Variants in RB1 observed in about 807,000 individuals in gnomAD.
RB1 encodes the protein RB transcriptional corepressor 1, also known as retinoblastoma-associated protein.
In RB1, 18 loss-of-function variants were observed where a neutral mutation model predicts 135.4. The ratio of observed to expected loss-of-function variants is 0.13; its 90% CI spans 0.09 to 0.20. RB1 has a LOEUF of 0.20. Ranked by LOEUF, RB1 falls within the 10% of genes least tolerant of loss-of-function variation. RB1 has a pLI of 1.00. For synonymous variants in RB1, 365 were observed against 373.2 expected (o/e 0.98, Z 0.25); for missense variants, 868 against 1,110.0 (o/e 0.78, Z 3.10).
At chr13:48,367,169 G>A (rs1441985560) in intron 9 of RB1, among the ~76,000 whole-genome samples, 1 of 149,478 alleles carries the variant, frequency 6.7e-6, no homozygotes, top group Non-Finnish European at 1.5e-5. Flanking sequence ...TGGGATGTTT[G>A]GAAAATCTTG....
At chr13:48,399,100 A>T (rs1020643778) in intron 17 of RB1, among the ~76,000 whole-genome samples, 1 of 152,100 alleles carries the variant, frequency 6.6e-6, no homozygotes, top group Non-Finnish European at 1.5e-5. Flanking sequence ...TGTTTTCAGA[A>T]TCCACAATAA....
chr13:48,432,605 A>C (rs925712736), intron 17 of RB1, among the ~76,000 whole-genome samples: 1 of 152,052 alleles, frequency 6.6e-6, no homozygotes, highest in African/African-American at 2.4e-5. Flanking sequence ...TGCTTTGGTT[A>C]GCATCCTGTT....
intron 1 of RB1, 85 bp from the exon 2 acceptor site, chr13:48,307,195 A>G (rs1952087863): frequency 1.8e-6 from 2 of 1,094,420 alleles, no homozygotes; most frequent in Non-Finnish European, 2.8e-6. Flanking sequence ...CAGTAGTGTT[A>G]TGTGCAAACT....
intron 17 of RB1, among the ~76,000 whole-genome samples, chr13:48,433,801 C>T (rs1410836247): frequency 6.6e-6 from 1 of 151,658 alleles, no homozygotes; most frequent in East Asian, 1.9e-4. Context: ...TTATTCCATT[C>T]ATCATCTTTG....
At chr13:48,320,534 A>G (rs762595655) in intron 2 of RB1, 1 of 534,950 alleles carries the variant, frequency 1.9e-6, no homozygotes, top group Non-Finnish European at 3.4e-6. Flanking sequence ...CCAGCTTCAT[A>G]TACTCAAAAG....
Position 48,307,343 on chromosome 13 carries a change from A to G in RB1, c.201A>G (p.Pro67=). The stretch of plus-strand genomic sequence containing the variant: ...CATTATGTCAGAAATTAAAGATACC[A>G]GATCATGTCAGAGAGAGAGCTTGGT... ...FTALCQKLKI[P]DHVRERAWLT... is the part of the protein sequence containing the mutation. The change falls in exon 2 of 27, where the codon CCA becomes CCG. Residue 67 remains proline, a synonymous_variant. Transcript: ENST00000267163. 2 of 1,611,044 alleles carry G rather than the reference A, an allele frequency of 1.2e-6. No individual in the cohort carries two copies. Among genetic ancestry groups the G allele is most frequent in the Non-Finnish European group, 8.5e-7 (1 of 1,177,384 alleles).
chr13:48,430,594 G>A (rs1233987176), intron 17 of RB1, among the ~76,000 whole-genome samples: 1 of 152,068 alleles, frequency 6.6e-6, no homozygotes, highest in African/African-American at 2.4e-5. Flanking sequence ...ACAAAAATTA[G>A]CTGGGCATGG....
At chr13:48,429,053 G>A (rs1490822513) in intron 17 of RB1, among the ~76,000 whole-genome samples, 3 of 152,142 alleles carry the variant, frequency 2.0e-5, no homozygotes, top group African/African-American at 4.8e-5. Flanking sequence ...GTGAAATTGT[G>A]TGTGTATTAA....
At chr13:48,475,622 T>C (rs1227914836) in intron 24 of RB1, among the ~76,000 whole-genome samples, 1 of 152,202 alleles carries the variant, frequency 6.6e-6, no homozygotes. Context: ...CCCATTACTT[T>C]TGGCATATTA....
At position 48,307,349 on chromosome 13, in the gene RB1, T is replaced by C. The variant is rs759594127; in HGVS notation, c.207T>C (p.His69=). Residue 69 remains histidine, a synonymous_variant, in exon 2 of 27, where the codon CAT becomes CAC. Transcript: ENST00000267163. ...GTCAGAAATTAAAGATACCAGATCA[T>C]GTCAGAGAGAGAGCTTGGTTAACTT... The part of the protein sequence containing the change: ...ALCQKLKIPD[H]VRERAWLTWE... The C allele has an allele frequency of 3.7e-6, 6 of 1,611,822 alleles. No individual in the cohort carries two copies. Among genetic ancestry groups the C allele is most frequent in the Middle Eastern group, 1.7e-4 (1 of 6,056 alleles).
chr13:48,306,631 G>A (rs924734083), intron 1 of RB1, among the ~76,000 whole-genome samples: 4 of 152,162 alleles, frequency 2.6e-5, no homozygotes, highest in African/African-American at 9.6e-5. Context: ...GGCTGATGTC[G>A]GGATTCAGTG....
chr13:48,359,899 C>G (rs1375896614), intron 6 of RB1, 118 bp from the exon 7 acceptor site: 1 of 1,350,896 alleles, frequency 7.4e-7, no homozygotes, highest in Non-Finnish European at 9.7e-7. Flanking sequence ...AAAATCTTTA[C>G]CATGCTGATA....
chr13:48,339,115 G>T (rs1952415655), intron 2 of RB1, among the ~76,000 whole-genome samples: 1 of 152,182 alleles, frequency 6.6e-6, no homozygotes, highest in African/African-American at 2.4e-5. Flanking sequence ...GGCTACTCAG[G>T]GGTCAGGGAC....
chr13:48,396,092 A>G (rs111458207), intron 17 of RB1, among the ~76,000 whole-genome samples: 3 of 152,362 alleles, frequency 2.0e-5, no homozygotes, highest in African/African-American at 7.2e-5. Context: ...TATAGATTCA[A>G]TGCTATCCCC....
In RB1 at chr13:48,481,512, T is replaced by C. The variant is rs559170385; in HGVS notation, c.*1441T>C. The C allele has an allele frequency of 9.5e-5, 22 of 230,976 alleles. No individual in the cohort carries two copies. In the South Asian group the frequency reaches 4.0e-3, roughly 42 times the overall value. The allele number at this position is 230,976 out of a possible 1,614,324, so 14.3% of individuals were successfully genotyped here. ...TTTTTAAAAAGAAATCTGGTCTTGT[T>C]AGAAAACAAAATTTTATTTTGTGCT... On this transcript the variant is annotated 3_prime_UTR_variant, in exon 27 of 27. Transcript: ENST00000267163.
chr13:48,320,841 A>G (rs561258108), intron 2 of RB1, among the ~76,000 whole-genome samples: 18 of 152,174 alleles, frequency 1.2e-4, no homozygotes, highest in South Asian at 8.3e-4. Context: ...AAAAAAGAAA[A>G]AAAAAAAAAA....
intron 13 of RB1, among the ~76,000 whole-genome samples, chr13:48,378,331 C>T (rs1456659107): frequency 6.6e-6 from 1 of 152,096 alleles, no homozygotes; most frequent in Non-Finnish European, 1.5e-5. Flanking sequence ...AATCCTTATT[C>T]TGTACACTTT....
chr13:48,326,081 T>C (rs191858522), intron 2 of RB1, among the ~76,000 whole-genome samples: 17 of 152,308 alleles, frequency 1.1e-4, no homozygotes, highest in Admixed American at 1.1e-3. Context: ...TTTACCTATT[T>C]ATACTGCTTT....
chr13:48,393,117 C>T (rs145483921), intron 17 of RB1, among the ~76,000 whole-genome samples: 1 of 152,296 alleles, frequency 6.6e-6, no homozygotes, highest in African/African-American at 2.4e-5. Context: ...CTTCCTGACC[C>T]TGTGTCAGCT....
Sources: gnomAD v4.1 joint callset for allele counts (sites outside exome capture counted in the v4.1 genomes callset) on GRCh38, gnomAD v4.1.1 for gene constraint, MANE v1.5 for transcripts, NCBI Gene and HGNC (gene_info 2026-07-23, HGNC 2026-07-21) for gene names.